The following CADM1 variants were observed in gnomAD, a reference collection of about 807,000 sequenced individuals.
CADM1 encodes the protein cell adhesion molecule 1, also known as TSLC-1.
A neutral mutation model predicts 53.1 loss-of-function variants in CADM1; 15 were observed. That is an observed-to-expected ratio of 0.28 (90% CI 0.19 to 0.44). CADM1 has a LOEUF of 0.44. Among genes scored for constraint, CADM1 ranks in the 20% least tolerant of loss-of-function variants. The probability of loss-of-function intolerance (pLI) is 1.00; values close to 1 mark genes in which losing one functional copy is unlikely to be tolerated. For synonymous variants in CADM1, 281 were observed against 243.0 expected (o/e 1.16, Z -1.45); for missense variants, 434 against 611.3 (o/e 0.71, Z 3.06).
chr11:115,252,926 C>T (rs2134980837), intron 1 of CADM1, among the ~76,000 whole-genome samples: 1 of 152,284 alleles, frequency 6.6e-6, no homozygotes, highest in East Asian at 1.9e-4. Flanking sequence ...TGCTTCTATA[C>T]AGGGAGGACA....
intron 1 of CADM1, among the ~76,000 whole-genome samples, chr11:115,355,313 A>G (rs148288514): frequency 1.6e-3 from 243 of 152,294 alleles, no homozygotes; most frequent in African/African-American, 5.4e-3. Context: ...TGGCAGGAAC[A>G]TGAATGGAGC....
chr11:115,272,654 A>C (rs1302115372), intron 1 of CADM1, among the ~76,000 whole-genome samples: 1 of 150,186 alleles, frequency 6.7e-6, no homozygotes, highest in East Asian at 2.0e-4. Context: ...TCAAAATAAG[A>C]TTATTTCTAC....
intron 8 of CADM1, among the ~76,000 whole-genome samples, chr11:115,208,535 G>C (rs908366518): frequency 6.6e-6 from 1 of 152,176 alleles, no homozygotes; most frequent in Non-Finnish European, 1.5e-5. Context: ...TGTTCATAAA[G>C]AAGTCCAGAG....
At chr11:115,237,326 G>A (rs1399029843) in intron 3 of CADM1, among the ~76,000 whole-genome samples, 1 of 152,110 alleles carries the variant, frequency 6.6e-6, no homozygotes, top group African/African-American at 2.4e-5. Context: ...ACACAGACCA[G>A]ATTAGAAATT....
intron 1 of CADM1, among the ~76,000 whole-genome samples, chr11:115,332,947 A>G (rs1478450106): frequency 6.6e-6 from 1 of 151,854 alleles, no homozygotes; most frequent in Non-Finnish European, 1.5e-5. Context: ...ACTAGCTGAC[A>G]TTTTCTCCCC....
chr11:115,306,726 G>C (rs1944384884), intron 1 of CADM1, among the ~76,000 whole-genome samples: 1 of 151,908 alleles, frequency 6.6e-6, no homozygotes, highest in Admixed American at 6.6e-5. Flanking sequence ...ACTAAACTTA[G>C]AAGTTAACCA....
At chr11:115,414,230 A>T (rs543339109) in intron 1 of CADM1, among the ~76,000 whole-genome samples, 1 of 152,310 alleles carries the variant, frequency 6.6e-6, no homozygotes, top group South Asian at 2.1e-4. Context: ...GTAGAAAAAA[A>T]ACACCCAACA....
At chr11:115,218,246 A>G (rs1483154835) in intron 5 of CADM1, 5 of 460,360 alleles carry the variant, frequency 1.1e-5, no homozygotes, top group African/African-American at 9.9e-5. Flanking sequence ...CCTGTGAAAT[A>G]CATTTTGTTA....
chr11:115,348,200 G>A (rs958728741), intron 1 of CADM1, among the ~76,000 whole-genome samples: 5 of 152,110 alleles, frequency 3.3e-5, no homozygotes, highest in Non-Finnish European at 5.9e-5. Flanking sequence ...ACACACATGG[G>A]TTACTTCTAC....
At chr11:115,256,695 C>A in intron 1 of CADM1, 2 of 401,994 alleles carry the variant, frequency 5.0e-6, no homozygotes, top group Admixed American at 2.5e-5. Context: ...GGAGAGAGAG[C>A]CAGCAACAAA....
At chr11:115,355,736 ACAGG>A (rs1344290954) in intron 1 of CADM1, among the ~76,000 whole-genome samples, 1 of 150,524 alleles carries the variant, frequency 6.6e-6, no homozygotes, top group Non-Finnish European at 1.5e-5. Context: ...ACACACACAC[ACAGG>A]CACAAATTCA....
At chr11:115,441,965 T>C (rs1257527428) in intron 1 of CADM1, among the ~76,000 whole-genome samples, 1 of 152,148 alleles carries the variant, frequency 6.6e-6, no homozygotes, top group Non-Finnish European at 1.5e-5. Context: ...GGCATTGTAC[T>C]AGGCACCCAA....
At chr11:115,203,167 A>C (rs1402458462) in intron 8 of CADM1, among the ~76,000 whole-genome samples, 2 of 152,060 alleles carry the variant, frequency 1.3e-5, no homozygotes, top group Non-Finnish European at 2.9e-5. Context: ...TGGATAAGCA[A>C]TTTCAAGTTT....
chr11:115,251,729 G>C (rs1272559053), intron 1 of CADM1, among the ~76,000 whole-genome samples: 2 of 152,208 alleles, frequency 1.3e-5, no homozygotes, highest in African/African-American at 4.8e-5. Flanking sequence ...TAAAGCAAGT[G>C]CTAGTGGTTT....
At chr11:115,258,937 G>C (rs1184893229) in intron 1 of CADM1, among the ~76,000 whole-genome samples, 1 of 152,020 alleles carries the variant, frequency 6.6e-6, no homozygotes, top group Non-Finnish European at 1.5e-5. Flanking sequence ...AGGTGCCCTA[G>C]AAAGCTTTTA....
rs1191208990 is a variant in CADM1, at chr11:115,178,666, C to A, written c.1275G>T (p.Gly425=). ...TACCTTTATGTCTGGCAAAATAGCG[C>A]CCCAGAATGATGAGCAAGCACAGCA... ...FAMLCLLIIL[G]RYFARHKGTY... The change falls in exon 11 of 12, where the codon GGG becomes GGT. Residue 425 remains glycine (G), a synonymous_variant. Transcript: ENST00000331581. The A allele has an allele frequency of 1.2e-6, 2 of 1,613,368 alleles. No individual in the cohort carries two copies. The highest frequency in any genetic ancestry group is 1.7e-6 in the Non-Finnish European group (2 of 1,180,002).
chr11:115,323,085 T>G (rs2135192593), intron 1 of CADM1, among the ~76,000 whole-genome samples: 1 of 152,290 alleles, frequency 6.6e-6, no homozygotes, highest in South Asian at 2.1e-4. Flanking sequence ...CTCCATATCC[T>G]TGTCAACACC....
intron 1 of CADM1, among the ~76,000 whole-genome samples, chr11:115,452,224 G>A (rs2135351523): frequency 6.6e-6 from 1 of 152,218 alleles, no homozygotes; most frequent in South Asian, 2.1e-4. Flanking sequence ...GAAATAAAGT[G>A]AAAATCACTG....
chr11:115,439,188 G>GC (rs200598008), intron 1 of CADM1, among the ~76,000 whole-genome samples: 19,060 of 152,090 alleles, frequency 0.13, 1,569 homozygotes, highest in Non-Finnish European at 0.18. Context: ...GGCTAACCAG[G>GC]TATCCATTAC....
Sources: gnomAD v4.1 joint callset for allele counts (sites outside exome capture counted in the v4.1 genomes callset) on GRCh38, gnomAD v4.1.1 for gene constraint, MANE v1.5 for transcripts, NCBI Gene and HGNC (gene_info 2026-07-23, HGNC 2026-07-21) for gene names.